The following BOD1L1 variants were observed in gnomAD, a reference collection of about 807,000 sequenced individuals.
The protein encoded by BOD1L1 is biorientation of chromosomes in cell division 1 like 1.
Under a neutral mutation model 240.7 loss-of-function variants are expected in BOD1L1, and 86 were observed. The ratio of observed to expected loss-of-function variants is 0.36; its 90% CI spans 0.30 to 0.43. The LOEUF (loss-of-function observed/expected upper bound fraction) is 0.43. BOD1L1 is among the 20% of genes least tolerant of loss of function. BOD1L1 has a pLI of 1.00. For missense variants in BOD1L1, 3,554 were observed against 3,643.5 expected (o/e 0.98, Z 0.63); for synonymous variants, 1,268 against 1,272.3 (o/e 1.00, Z 0.07).
chr4:13,625,869 C>A (rs1003387606), intron 1 of BOD1L1: 5 of 152,116 alleles, frequency 3.3e-5, no homozygotes, highest in African/African-American at 1.2e-4. Flanking sequence ...CGAAAAACCA[C>A]GTTTTACATA....
At position 13,601,486 on chromosome 4, in the gene BOD1L1, C is replaced by T. The variant is rs1471436924; in HGVS notation, c.5414G>A (p.Ser1805Asn). The T allele has an allele frequency of 6.2e-7, 1 of 1,614,048 alleles. No homozygotes were observed. Among genetic ancestry groups the T allele is most frequent in the Admixed American group, 1.7e-5 (1 of 60,030 alleles). The part of the protein sequence containing the change: ...GITEDGEGPA[S>N]CTGSEDSSEG... ...GCTGCTATCTTCTGAACCTGTGCAA[C>T]TTGCTGGCCCCTCTCCATCTTCTGT... Residue 1805 changes from serine (S) to asparagine (N), a missense_variant, in exon 10 of 26, where the codon AGT (serine) becomes AAT (asparagine). Transcript: ENST00000040738.
chr4:13,580,536 G>A (rs1044332570), intron 21 of BOD1L1, among the ~76,000 whole-genome samples: 1 of 152,116 alleles, frequency 6.6e-6, no homozygotes, highest in African/African-American at 2.4e-5. Flanking sequence ...TGCATGCGAT[G>A]GAATCCTGAT....
intron 15 of BOD1L1, 46 bp from the exon 16 acceptor site, chr4:13,587,817 A>G: frequency 8.0e-7 from 1 of 1,257,818 alleles, no homozygotes. Flanking sequence ...ATCTTGATTC[A>G]AATAAACTGA....
rs779278463 is a variant in BOD1L1 at position 13,602,320 on chromosome 4, T to C, written c.4580A>G (p.Asp1527Gly). ...VATSTEGKDK[D>G]VTLSPVKAGP... ...AGCCTTCACTGGACTTAAGGTGACATCTTTGTCCTTCCCTTCAGTACTAGT... is the reference window on the plus strand; with the variant it reads ...AGCCTTCACTGGACTTAAGGTGACACCTTTGTCCTTCCCTTCAGTACTAGT... Residue 1527 changes from aspartate (D) to glycine (G), a missense_variant, in exon 10 of 26, where the codon GAT (aspartate) becomes GGT (glycine). This residue lies in a region of BOD1L1 where 3,393 missense variants were observed against 3,427.1 expected (regional missense o/e 0.99). Transcript: ENST00000040738. 2 of 1,613,842 alleles carry C rather than the reference T, an allele frequency of 1.2e-6. No homozygotes were observed. Among genetic ancestry groups the C allele is most frequent in the African/African-American group, 1.3e-5 (1 of 74,922 alleles).
chr4:13,584,348 G>C (rs1239043638), intron 17 of BOD1L1, among the ~76,000 whole-genome samples: 1 of 150,702 alleles, frequency 6.6e-6, no homozygotes, highest in East Asian at 1.9e-4. Flanking sequence ...CAAGTGCTCT[G>C]TGTGTGTGTG....
rs762737320 is a variant in BOD1L1, at chr4:13,613,560, C to T, written c.1276G>A (p.Glu426Lys). The T allele has an allele frequency of 1.9e-6, 3 of 1,612,650 alleles. No homozygotes were observed. The highest frequency in any genetic ancestry group is 2.5e-6 in the Non-Finnish European group (3 of 1,178,980). ...TCCATGCTATCAGACGTTACAACTT[C>T]CTCCTCAGTATCTTCTTCAAAAGAT... Reference protein sequence around the residue: ...LSSFEEDTEEEVVTSDSMEEG... With the variant: ...LSSFEEDTEEKVVTSDSMEEG... Residue 426 changes from glutamate (E) to lysine (K), a missense_variant, in exon 5 of 26, where the codon GAA (glutamate) becomes AAA (lysine). Glu to Lys is a moderately conservative substitution (Grantham distance 56). Coordinates refer to ENST00000040738, the MANE Select transcript of BOD1L1 (RefSeq NM_148894.3). This position sits in a 1 kb window ranked among gnomAD's most constrained non-coding sequence, Gnocchi z 4.0.
At chr4:13,610,878 T>C (rs957699056) in intron 6 of BOD1L1, 56 bp downstream of exon 6, 40 of 1,449,022 alleles carry the variant, frequency 2.8e-5, no homozygotes, top group Non-Finnish European at 3.1e-5. Context: ...AGATAGACTA[T>C]TTAAGTTTGT....
In BOD1L1 at chr4:13,602,941, G is replaced by A. The variant is rs749473872; in HGVS notation, c.3959C>T (p.Ala1320Val). 1.4e-5 allele frequency: 22 copies of A among 1,613,854 alleles called. No individual in the cohort carries two copies. Among genetic ancestry groups the A allele is most frequent in the East Asian group, 2.2e-5 (1 of 44,896 alleles). Residue 1320 changes from alanine (A) to valine (V), a missense_variant, in exon 10 of 26, where the codon GCG becomes GTG. Transcript: ENST00000040738. Reference protein sequence around the residue: ...LEGSTASTSPADHSALPNQSL... With the variant: ...LEGSTASTSPVDHSALPNQSL... ...TTGGTTAGGGAGAGCAGAGTGATCC[G>A]CAGGGGAGGTGCTGGCTGTGCTACC...
intron 14 of BOD1L1, among the ~76,000 whole-genome samples, chr4:13,589,574 T>C (rs979425925): frequency 6.6e-6 from 1 of 152,220 alleles, no homozygotes; most frequent in African/African-American, 2.4e-5. Flanking sequence ...GCAGGCAACA[T>C]AGGTTACATA....
chr4:13,584,621 C>T (rs1319343506), intron 17 of BOD1L1, among the ~76,000 whole-genome samples: 1 of 152,112 alleles, frequency 6.6e-6, no homozygotes, highest in Non-Finnish European at 1.5e-5. Flanking sequence ...GGACGAACTG[C>T]ATTTCTGTTT....
rs372637951 is a variant in BOD1L1 at position 13,619,605 on chromosome 4, C to A, written c.368+338G>T. 5.9e-5 allele frequency among the ~76,000 whole-genome samples: 9 copies of A among 152,286 alleles called. 1 individual carries two copies. The highest frequency in any genetic ancestry group is 2.2e-4 in the African/African-American group (9 of 41,562). ...TGTAAAATAAGAATAATAAAGCCTG[C>A]TTGCTCTCTTAGGGTCAAGAAAATA... On this transcript the variant is annotated intron_variant, in intron 2 of 25. Transcript: ENST00000040738.
At chr4:13,605,210 A>C (rs77417966) in intron 9 of BOD1L1, 126 bp from the exon 10 acceptor site, 1 of 801,196 alleles carries the variant, frequency 1.2e-6, no homozygotes, top group African/African-American at 1.8e-5. Flanking sequence ...TAATTCTTAC[A>C]AACAGCCTGT....
chr4:13,616,688 T>C (rs868184094), intron 2 of BOD1L1, among the ~76,000 whole-genome samples: 4 of 152,210 alleles, frequency 2.6e-5, no homozygotes, highest in African/African-American at 9.6e-5. Flanking sequence ...TATTTTTGAG[T>C]GCACTTCCAT....
chr4:13,621,637 T>C (rs1198825901), intron 1 of BOD1L1, among the ~76,000 whole-genome samples: 1 of 152,190 alleles, frequency 6.6e-6, no homozygotes, highest in Non-Finnish European at 1.5e-5. Context: ...TCTCTTACAA[T>C]TTGTTTTCAT....
intron 25 of BOD1L1, among the ~76,000 whole-genome samples, chr4:13,572,123 C>T (rs1712259439): frequency 6.6e-6 from 1 of 152,186 alleles, no homozygotes; most frequent in Admixed American, 6.5e-5. Context: ...TGCTATGTGG[C>T]ATCTCAAGTG....
At chr4:13,585,889 C>A (rs761080617) in intron 17 of BOD1L1, among the ~76,000 whole-genome samples, 69 of 152,196 alleles carry the variant, frequency 4.5e-4, no homozygotes, top group Non-Finnish European at 9.7e-4. Context: ...TTGCCTTCTA[C>A]CATGATTGTG....
chr4:13,573,684 C>A (rs991337033), intron 25 of BOD1L1, among the ~76,000 whole-genome samples: 1 of 152,026 alleles, frequency 6.6e-6, no homozygotes, highest in South Asian at 2.1e-4. Context: ...CCACAATGCT[C>A]GGCTACTTTT....
chr4:13,611,779 G>A (rs1716193739), intron 5 of BOD1L1, among the ~76,000 whole-genome samples: 2 of 152,108 alleles, frequency 1.3e-5, no homozygotes, highest in African/African-American at 4.8e-5. Context: ...TCCACTGGAA[G>A]TTGTAGTTTA....
In BOD1L1 at chr4:13,604,065, C is replaced by T; in HGVS notation, c.2835G>A (p.Lys945=). Residue 945 remains lysine, a synonymous_variant, in exon 10 of 26, where the codon AAG becomes AAA. Coordinates refer to ENST00000040738, the MANE Select transcript of BOD1L1 (RefSeq NM_148894.3). ...QATTPKPDKE[K]NTEENDSEKQ... Reference sequence around the variant, plus strand: ...TTTCTGAGTCATTTTCTTCTGTGTTCTTCTCCTTGTCTGGTTTTGGAGTGG... The same window carrying T: ...TTTCTGAGTCATTTTCTTCTGTGTTTTTCTCCTTGTCTGGTTTTGGAGTGG... 3.1e-6 allele frequency: 5 copies of T among 1,613,802 alleles called. No homozygotes were observed. Among genetic ancestry groups the T allele is most frequent in the Non-Finnish European group, 4.2e-6 (5 of 1,179,862 alleles).
Sources: allele counts gnomAD v4.1 joint callset (sites outside exome capture counted in the v4.1 genomes callset), GRCh38; gene constraint gnomAD v4.1.1; regional missense constraint gnomAD v4.1.1; non-coding constraint Gnocchi (gnomAD v3.1); transcripts MANE v1.5; gene names NCBI Gene and HGNC (gene_info 2026-07-23, HGNC 2026-07-21).